Variants in TGFBR3 observed in about 807,000 individuals in gnomAD.
The protein encoded by TGFBR3 is transforming growth factor beta receptor 3.
In TGFBR3, 46 loss-of-function variants were observed where a neutral mutation model predicts 87.9. The ratio of observed to expected loss-of-function variants is 0.52; its 90% confidence interval spans 0.41 to 0.67. TGFBR3 has a LOEUF of 0.67. Ranked by LOEUF, TGFBR3 falls within the 30% of genes least tolerant of loss-of-function variation. TGFBR3 has a pLI of 0.00. For missense variants in TGFBR3, 866 were observed against 1,041.9 expected (o/e 0.83, Z 2.32); for synonymous variants, 381 against 391.6 (o/e 0.97, Z 0.32).
At chr1:91,697,411 A>C (rs562529107) in intron 15 of TGFBR3, among the ~76,000 whole-genome samples, 1 of 152,362 alleles carries the variant, frequency 6.6e-6, no homozygotes, top group African/African-American at 2.4e-5. Flanking sequence ...GCACAGATTC[A>C]CAAATTCTCC....
At chr1:91,865,202 C>CAAAAAAAAAAAAAAAA (rs67134125) in intron 1 of TGFBR3, among the ~76,000 whole-genome samples, 3 of 105,260 alleles carry the variant, frequency 2.9e-5, no homozygotes, top group African/African-American at 7.5e-5. Context: ...GACTCCATCT[C>CAAAAAAAAAAAAAAAA]AAAAAAAAAA....
upstream of TGFBR3, among the ~76,000 whole-genome samples, chr1:91,890,409 C>CTTTTTTTTTTTTTTTTTTT (rs1175619952): frequency 1.7e-5 from 1 of 60,362 alleles, no homozygotes; most frequent in Non-Finnish European, 2.8e-5. Context: ...TCTCTATAAT[C>CTTTTTTTTTTTTTTTTTTT]TTTTTTTTTT....
intron 2 of TGFBR3, among the ~76,000 whole-genome samples, chr1:91,860,791 G>A (rs17881014): frequency 2.0e-5 from 3 of 151,790 alleles, no homozygotes; most frequent in African/African-American, 7.3e-5. Context: ...TATTATCCAC[G>A]TGTAGTGGCA....
chr1:91,853,292 GA>G (rs1284894955), intron 2 of TGFBR3, among the ~76,000 whole-genome samples: 6 of 117,450 alleles, frequency 5.1e-5, no homozygotes, highest in South Asian at 5.7e-4. Context: ...AGAAGAAGAA[GA>G]AAAAAAGGGG....
chr1:91,741,957 T>C (rs1328255264), intron 4 of TGFBR3, among the ~76,000 whole-genome samples: 1 of 152,214 alleles, frequency 6.6e-6, no homozygotes, highest in East Asian at 1.9e-4. Flanking sequence ...GGCGCATGAC[T>C]GAAGTGCCTC....
chr1:91,904,849 A>C (rs1285187431), intron 1 of TGFBR3, among the ~76,000 whole-genome samples: 2 of 151,908 alleles, frequency 1.3e-5, no homozygotes, highest in Non-Finnish European at 2.9e-5. Context: ...TATAGGCATG[A>C]GCCACCGCGC....
chr1:91,849,121 C>T lies in TGFBR3; in HGVS notation c.61+12350G>A, dbSNP rs186945380. ...AGGGTCCTTCCTTCTAATAAGGAGT[C>T]CTGGTCATCATTTTCTCTTGCCAGT... On this transcript the variant is annotated intron_variant, in intron 2 of 16. Coordinates refer to ENST00000212355, the MANE Select transcript of TGFBR3 (RefSeq NM_003243.5). Among the ~76,000 whole-genome samples, 4 of 152,270 alleles carry T rather than the reference C, an allele frequency of 2.6e-5. No individual in the cohort carries two copies. In the East Asian group the frequency reaches 5.8e-4, roughly 22 times the overall value.
At chr1:91,764,089 C>CT (rs1051144962) in intron 3 of TGFBR3, among the ~76,000 whole-genome samples, 13 of 152,020 alleles carry the variant, frequency 8.6e-5, no homozygotes, top group Middle Eastern at 3.4e-3. Context: ...ACATTCCCCC[C>CT]CACACACACC....
intron 5 of TGFBR3, among the ~76,000 whole-genome samples, chr1:91,731,031 A>C (rs1466302877): frequency 6.6e-6 from 1 of 152,262 alleles, no homozygotes; most frequent in East Asian, 1.9e-4. Context: ...TTTCAACAGA[A>C]CTTGAAAGAA....
At chr1:91,889,655 G>T (rs981501968), upstream of TGFBR3, among the ~76,000 whole-genome samples, 2 of 151,968 alleles carry the variant, frequency 1.3e-5, no homozygotes, top group African/African-American at 4.8e-5. Context: ...TATAAAAAAG[G>T]GTTCCCCTAC....
rs546476204 is a variant in TGFBR3 at position 91,901,531 on chromosome 1, C to T, written c.-174-1834G>A. Among the ~76,000 whole-genome samples the T allele has an allele frequency of 3.0e-4, 45 of 152,238 alleles. No homozygotes were observed. In the South Asian group the frequency reaches 7.9e-3, roughly 27 times the overall value. Reference sequence around the variant, plus strand: ...AATAGCATTGTACATTCTCATATTACAAATGTTATTGTATACTATTATATA... The same window carrying T: ...AATAGCATTGTACATTCTCATATTATAAATGTTATTGTATACTATTATATA... On this transcript the variant is annotated intron_variant, in intron 1 of 17. Transcript: ENST00000370399.
chr1:91,700,496 G>C (rs1318966111), intron 14 of TGFBR3, among the ~76,000 whole-genome samples: 1 of 152,190 alleles, frequency 6.6e-6, no homozygotes, highest in Non-Finnish European at 1.5e-5. Context: ...TCTGGCTCTA[G>C]GGGAAGGAAT....
intron 2 of TGFBR3, among the ~76,000 whole-genome samples, chr1:91,842,078 G>A (rs916229048): frequency 6.6e-6 from 1 of 150,920 alleles, no homozygotes; most frequent in Non-Finnish European, 1.5e-5. Context: ...CTCCAGCCTG[G>A]GTGACAGAGC....
At position 91,716,557 on chromosome 1, in the gene TGFBR3, C is replaced by G; in HGVS notation, c.1707+11G>C. 6.2e-7 allele frequency: 1 copy of G among 1,614,074 alleles called. No homozygotes were observed. Among genetic ancestry groups the G allele is most frequent in the Admixed American group, 1.7e-5 (1 of 60,014 alleles). On this transcript the variant is annotated intron_variant, in intron 11 of 16. Transcript: ENST00000212355. Reference sequence around the variant, plus strand: ...TTTTCCACAAACCCCCTACTGATAACAAACACATACCACCACGATTTCAGG... The same window carrying G: ...TTTTCCACAAACCCCCTACTGATAAGAAACACATACCACCACGATTTCAGG...
chr1:91,810,073 G>T (rs1419624546), intron 2 of TGFBR3, among the ~76,000 whole-genome samples: 1 of 152,058 alleles, frequency 6.6e-6, no homozygotes, highest in Non-Finnish European at 1.5e-5. Context: ...GGGGTAAGTG[G>T]ACGGGGACAA....
At chr1:91,863,362 C>G (rs992775107) in intron 1 of TGFBR3, among the ~76,000 whole-genome samples, 2 of 152,204 alleles carry the variant, frequency 1.3e-5, no homozygotes, top group Admixed American at 6.5e-5. Context: ...TGAATCCACT[C>G]TGCCCCTTAC....
chr1:91,897,909 C>T (rs991171064), intron 2 of TGFBR3, among the ~76,000 whole-genome samples: 7 of 151,822 alleles, frequency 4.6e-5, no homozygotes, highest in Non-Finnish European at 8.8e-5. Flanking sequence ...ATATTACAGC[C>T]GGGCATCATG....
chr1:91,755,727 A>T (rs1052937183), intron 4 of TGFBR3, among the ~76,000 whole-genome samples: 1 of 152,236 alleles, frequency 6.6e-6, no homozygotes. Context: ...ATTAATAACT[A>T]AGAGTAAGAC....
At chr1:91,887,597 G>A (rs1679362044), upstream of TGFBR3, among the ~76,000 whole-genome samples, 1 of 152,114 alleles carries the variant, frequency 6.6e-6, no homozygotes, top group Non-Finnish European at 1.5e-5. Context: ...TTGGAGAGTA[G>A]AATGAGGAGG....
Sources: gnomAD v4.1 joint callset for allele counts (sites outside exome capture counted in the v4.1 genomes callset) on GRCh38, gnomAD v4.1.1 for gene constraint, MANE v1.5 for transcripts, NCBI Gene and HGNC (gene_info 2026-07-23, HGNC 2026-07-21) for gene names.